MLF1: variants seen among roughly 807,000 people sequenced by gnomAD.
The protein encoded by MLF1 is myelodysplasia-myeloid leukemia factor 1.
In MLF1, 37 loss-of-function variants were observed where a neutral mutation model predicts 38.3. That is an observed-to-expected ratio of 0.96 (90% confidence interval 0.74 to 1.27). The LOEUF is 1.27. MLF1 is among the 50% of genes most tolerant of loss of function. The pLI is 0.00. For synonymous variants in MLF1, 95 were observed against 106.5 expected (o/e 0.89, Z 0.66); for missense variants, 331 against 349.2 (o/e 0.95, Z 0.42).
intron 5 of MLF1, 70 bp downstream of exon 5, chr3:158,598,278 T>A: frequency 6.9e-7 from 1 of 1,449,492 alleles, no homozygotes; most frequent in Non-Finnish European, 9.2e-7. Context: ...GATCAAATTT[T>A]AACTATTAAA....
chr3:158,605,300 T>A lies in MLF1; in HGVS notation c.*98T>A. On this transcript the variant is annotated 3_prime_UTR_variant, in exon 8 of 8. Transcript: ENST00000466246. ...GACCAATCTCTTGCTGTTAAATCAG[T>A]TCTGTCCTTGGCAACTTTCTTCTGA... is the stretch of plus-strand genomic sequence containing the variant. The A allele has an allele frequency of 1.1e-6, 1 of 898,198 alleles. No individual in the cohort carries two copies. The highest frequency in any genetic ancestry group is 1.7e-6 in the Non-Finnish European group (1 of 601,332). The allele number at this position is 898,198 out of a possible 1,614,324, so 55.6% of individuals were successfully genotyped here. A position where few individuals can be genotyped will look rare whatever the true frequency, so the allele number is the denominator to read the frequency against.
At chr3:158,599,146 A>G (rs1263546310) in intron 5 of MLF1, among the ~76,000 whole-genome samples, 1 of 152,312 alleles carries the variant, frequency 6.6e-6, no homozygotes, top group East Asian at 1.9e-4. Context: ...ATGATTTTTA[A>G]ATCATTTTCT....
At chr3:158,591,352 G>T (rs1718111890) in intron 1 of MLF1, among the ~76,000 whole-genome samples, 1 of 151,840 alleles carries the variant, frequency 6.6e-6, no homozygotes, top group South Asian at 2.1e-4. Flanking sequence ...TAGAGATGGG[G>T]TTTTACCATG....
At chr3:158,573,699 T>A (rs188268119) in intron 1 of MLF1, among the ~76,000 whole-genome samples, 1 of 152,332 alleles carries the variant, frequency 6.6e-6, no homozygotes, top group East Asian at 1.9e-4. Flanking sequence ...TTTGATCCCT[T>A]AAATTTTCTA....
chr3:158,582,930 G>A (rs956913233), intron 1 of MLF1: 1 of 678,164 alleles, frequency 1.5e-6, no homozygotes, highest in Admixed American at 2.3e-5. Flanking sequence ...ATAAGTTAAG[G>A]TAAAATAAAC....
At chr3:158,587,159 A>G (rs1305547859) in intron 1 of MLF1, among the ~76,000 whole-genome samples, 1 of 152,246 alleles carries the variant, frequency 6.6e-6, no homozygotes, top group Non-Finnish European at 1.5e-5. Context: ...AATTCTAGGT[A>G]TATGTCTCAG....
At chr3:158,587,265 T>C (rs1205762160) in intron 1 of MLF1, among the ~76,000 whole-genome samples, 1 of 152,202 alleles carries the variant, frequency 6.6e-6, no homozygotes, top group African/African-American at 2.4e-5. Flanking sequence ...GATAATGGAT[T>C]AAAATTGGAG....
At chr3:158,574,546 T>A in intron 1 of MLF1, among the ~76,000 whole-genome samples, 1 of 143,140 alleles carries the variant, frequency 7.0e-6, no homozygotes, top group Non-Finnish European at 1.5e-5. Context: ...TAGCCAGGCA[T>A]GGTGACACAC....
intron 3 of MLF1, 71 bp downstream of exon 3, chr3:158,593,497 C>A: frequency 7.9e-7 from 1 of 1,265,766 alleles, no homozygotes; most frequent in Non-Finnish European, 1.1e-6. Context: ...TTAACTCAAG[C>A]TGACTGAATT....
intron 1 of MLF1, chr3:158,590,942 G>A (rs1467534239): frequency 4.9e-6 from 2 of 408,300 alleles, no homozygotes; most frequent in East Asian, 1.4e-4. Context: ...TAAGCAGTTT[G>A]CTAATCTTAA....
intron 5 of MLF1, among the ~76,000 whole-genome samples, chr3:158,599,457 T>C (rs150794880): frequency 3.2e-4 from 48 of 152,364 alleles, no homozygotes; most frequent in Non-Finnish European, 5.4e-4. Flanking sequence ...CTTTTAATGA[T>C]GCTTTTGCCA....
At chr3:158,592,404 A>C in intron 1 of MLF1, 30 bp from the exon 2 acceptor site, 1 of 1,575,540 alleles carries the variant, frequency 6.3e-7, no homozygotes, top group Non-Finnish European at 8.6e-7. Context: ...CCAACACTGA[A>C]TCTTTCATGA....
intron 1 of MLF1, among the ~76,000 whole-genome samples, chr3:158,580,751 C>T (rs1007814663): frequency 8.7e-5 from 13 of 149,174 alleles, no homozygotes; most frequent in African/African-American, 3.2e-4. Context: ...AGCTCGAGAC[C>T]AGCCTGAGCA....
chr3:158,597,143 G>A (rs142092448), intron 4 of MLF1, among the ~76,000 whole-genome samples, 198 bp downstream of exon 4: 2 of 151,956 alleles, frequency 1.3e-5, no homozygotes, highest in African/African-American at 4.8e-5. Flanking sequence ...ACTATTTACA[G>A]TATATACAGT....
rs144829758 is a variant in MLF1 at position 158,585,797 on chromosome 3, C to T, written c.48-6637C>T. On this transcript the variant is annotated intron_variant, in intron 1 of 7. Coordinates refer to ENST00000466246, the MANE Select transcript of MLF1 (RefSeq NM_001369783.1). Reference sequence around the variant, plus strand: ...GATAGAAATAAGGTAATAGTAAATACCCAAAGAAGTAATTTAAGAACAATT... The same window carrying T: ...GATAGAAATAAGGTAATAGTAAATATCCAAAGAAGTAATTTAAGAACAATT... Among the ~76,000 whole-genome samples, 609 of 152,000 alleles carry T rather than the reference C, an allele frequency of 4.0e-3. 4 individuals are homozygous for T. Among genetic ancestry groups the T allele is most frequent in the African/African-American group, 0.014 (566 of 41,456 alleles).
intron 3 of MLF1, among the ~76,000 whole-genome samples, chr3:158,595,616 C>T (rs1345353090): frequency 6.6e-6 from 1 of 152,094 alleles, no homozygotes; most frequent in African/African-American, 2.4e-5. Context: ...CTCTGAAATG[C>T]AAAATTAATT....
At chr3:158,579,281 A>T (rs542191385) in intron 1 of MLF1, among the ~76,000 whole-genome samples, 1 of 134,564 alleles carries the variant, frequency 7.4e-6, no homozygotes, top group Non-Finnish European at 1.7e-5. Flanking sequence ...GTGTGCTACC[A>T]TAGAATTTTT....
chr3:158,602,897 G>T lies in MLF1; in HGVS notation c.704G>T (p.Ser235Ile). Reference sequence around the variant, plus strand: ...AATCTAGGAAACACTAGAATGAGAAGTGTTGGCCATGAGAATCCTGGCTCC... The same window carrying T: ...AATCTAGGAAACACTAGAATGAGAATTGTTGGCCATGAGAATCCTGGCTCC... ...RHNLGNTRMR[S>I]VGHENPGSRE... Residue 235 changes from serine to isoleucine, a missense_variant, in exon 7 of 8, where the codon AGT (serine) becomes ATT (isoleucine). Transcript: ENST00000466246. 6.2e-7 allele frequency: 1 copy of T among 1,613,812 alleles called. No individual in the cohort carries two copies. The highest frequency in any genetic ancestry group is 8.5e-7 in the Non-Finnish European group (1 of 1,179,866).
At chr3:158,598,048 C>G in intron 4 of MLF1, 32 bp from the exon 5 acceptor site, 1 of 1,606,132 alleles carries the variant, frequency 6.2e-7, no homozygotes, top group Non-Finnish European at 8.5e-7. Context: ...TTATATTTGA[C>G]TCGACTGAAT....
Sources: gnomAD v4.1 joint callset for allele counts (sites outside exome capture counted in the v4.1 genomes callset) on GRCh38, gnomAD v4.1.1 for gene constraint, MANE v1.5 for transcripts, NCBI Gene and HGNC (gene_info 2026-07-23, HGNC 2026-07-21) for gene names.